The following ADAMTS3 variants were observed in gnomAD, a reference collection of about 807,000 sequenced individuals.
ADAMTS3 encodes A disintegrin and metalloproteinase with thrombospondin motifs 3.
ADAMTS3 carries 73 observed loss-of-function variants against 129.0 expected under a neutral mutation model. That is an observed-to-expected ratio of 0.57 (90% confidence interval 0.47 to 0.69). The LOEUF is 0.69. Among genes scored for constraint, ADAMTS3 ranks in the 30% least tolerant of loss-of-function variants. The pLI is 0.00. For synonymous variants in ADAMTS3, 477 were observed against 510.8 expected, an observed-to-expected ratio of 0.93 and a Z score of 0.89; for missense variants, 1,457 against 1,514.5, an observed-to-expected ratio of 0.96 and a Z score of 0.63.
intron 5 of ADAMTS3, among the ~76,000 whole-genome samples, chr4:72,337,246 G>A (rs1720014287): frequency 6.6e-6 from 1 of 152,214 alleles, no homozygotes; most frequent in Non-Finnish European, 1.5e-5. Flanking sequence ...AGAATAATTT[G>A]TATTTGAGAC....
In ADAMTS3 at chr4:72,548,742, C is replaced by T. The variant is rs1578785724; in HGVS notation, c.240G>A (p.Leu80=). ...TTCCAAATGCCGTGATGTTAAAGAACAACTGCTCAGGGTTGGAAGACACGT... is the reference window on the plus strand; with the variant it reads ...TTCCAAATGCCGTGATGTTAAAGAATAACTGCTCAGGGTTGGAAGACACGT... The part of the protein sequence containing the change: ...ARDVSSNPEQ[L]FFNITAFGKD... The change falls in exon 3 of 22, where the codon TTG becomes TTA. Residue 80 remains leucine, a synonymous_variant. Coordinates refer to ENST00000286657, the MANE Select transcript of ADAMTS3 (RefSeq NM_014243.3). The T allele has an allele frequency of 6.2e-7, 1 of 1,613,938 alleles. No individual in the cohort carries two copies. The highest frequency in any genetic ancestry group is 8.5e-7 in the Non-Finnish European group (1 of 1,179,904).
In ADAMTS3 at chr4:72,283,391, G is replaced by C. The variant is rs1718408931; in HGVS notation, c.3363C>G (p.Asn1121Lys). 1 of 1,613,794 alleles carries C rather than the reference G, an allele frequency of 6.2e-7. No homozygotes were observed. The highest frequency in any genetic ancestry group is 8.5e-7 in the Non-Finnish European group (1 of 1,179,744). The change falls in exon 22 of 22, where the codon AAC becomes AAG. Residue 1121 changes from asparagine to lysine, a missense_variant. Transcript: ENST00000286657. ...GTAAATTAGCACCATCAGGTTTACT[G>C]TTTGGCCTGAAAGCAGCATATGCAT... is the stretch of plus-strand genomic sequence containing the variant. ...GPNAYAAFRP[N>K]SKPDGANLRQ...
intron 4 of ADAMTS3, among the ~76,000 whole-genome samples, chr4:72,383,384 A>G (rs914660116): frequency 2.6e-5 from 4 of 152,192 alleles, no homozygotes; most frequent in Non-Finnish European, 4.4e-5. Flanking sequence ...TCTGAGGTTA[A>G]GTCTATATGA....
chr4:72,430,268 C>G (rs1387360151), intron 3 of ADAMTS3, among the ~76,000 whole-genome samples: 1 of 152,034 alleles, frequency 6.6e-6, no homozygotes, highest in African/African-American at 2.4e-5. Context: ...AGAAGTGTCA[C>G]TGCAGGACTT....
chr4:72,477,399 G>A (rs113393015), intron 3 of ADAMTS3, among the ~76,000 whole-genome samples: 7,075 of 151,966 alleles, frequency 0.047, 189 homozygotes, highest in African/African-American at 0.062. Context: ...ACTCAAAAGC[G>A]CTCAACTACA....
intron 3 of ADAMTS3, among the ~76,000 whole-genome samples, chr4:72,426,185 G>A (rs1560511376): frequency 2.6e-5 from 4 of 152,144 alleles, no homozygotes; most frequent in East Asian, 1.9e-4. Context: ...GGTGTTGTTT[G>A]TTTTTTTCTT....
chr4:72,365,738 G>A (rs532202211), intron 4 of ADAMTS3, among the ~76,000 whole-genome samples: 52 of 152,188 alleles, frequency 3.4e-4, no homozygotes, highest in South Asian at 6.2e-4. Flanking sequence ...AAATAAACAC[G>A]TCAAGAACTG....
intron 15 of ADAMTS3, among the ~76,000 whole-genome samples, chr4:72,306,388 T>G (rs1462663208): frequency 6.6e-6 from 1 of 151,980 alleles, no homozygotes; most frequent in South Asian, 2.1e-4. Flanking sequence ...TGTCCCTCTG[T>G]GTGATTCTAG....
At chr4:72,445,209 A>G (rs962092238) in intron 3 of ADAMTS3, among the ~76,000 whole-genome samples, 8 of 151,794 alleles carry the variant, frequency 5.3e-5, no homozygotes, top group African/African-American at 1.7e-4. Flanking sequence ...TCACAACTCA[A>G]TAAAGCTATT....
chr4:72,561,128 G>A (rs1721893076), intron 2 of ADAMTS3, among the ~76,000 whole-genome samples: 1 of 151,996 alleles, frequency 6.6e-6, no homozygotes, highest in African/African-American at 2.4e-5. Context: ...TGAGGCGGGT[G>A]GATCACAAGG....
chr4:72,484,952 G>A (rs1376455418), intron 3 of ADAMTS3, among the ~76,000 whole-genome samples: 1 of 152,108 alleles, frequency 6.6e-6, no homozygotes. Context: ...AAAGACCTGA[G>A]CATTTACATC....
At chr4:72,347,045 T>C (rs1254054720) in intron 4 of ADAMTS3, among the ~76,000 whole-genome samples, 1 of 152,094 alleles carries the variant, frequency 6.6e-6, no homozygotes, top group Admixed American at 6.6e-5. Flanking sequence ...AAAGTTCTCA[T>C]TATTAAGCTG....
chr4:72,523,627 G>A (rs1398586587), intron 3 of ADAMTS3, among the ~76,000 whole-genome samples: 3 of 151,856 alleles, frequency 2.0e-5, no homozygotes, highest in Non-Finnish European at 4.4e-5. Flanking sequence ...TTAAATAATT[G>A]TATGACTCAT....
At chr4:72,562,666 AT>A in intron 2 of ADAMTS3, among the ~76,000 whole-genome samples, 1 of 152,320 alleles carries the variant, frequency 6.6e-6, no homozygotes, top group East Asian at 1.9e-4. Context: ...AACTGGAATG[AT>A]TTTCAAAAAT....
chr4:72,385,583 T>C (rs1243433700), intron 4 of ADAMTS3, among the ~76,000 whole-genome samples: 1 of 152,066 alleles, frequency 6.6e-6, no homozygotes, highest in Admixed American at 6.6e-5. Flanking sequence ...GGCCAAACTA[T>C]ATGCTACAAT....
chr4:72,318,335 G>GTCTT (rs1485214486), intron 10 of ADAMTS3, among the ~76,000 whole-genome samples: 1 of 152,150 alleles, frequency 6.6e-6, no homozygotes, highest in Non-Finnish European at 1.5e-5. Context: ...TAATCTCTAA[G>GTCTT]TCTTGGCTTT....
chr4:72,539,265 T>C (rs909970702), intron 3 of ADAMTS3, among the ~76,000 whole-genome samples: 1 of 151,976 alleles, frequency 6.6e-6, no homozygotes, highest in Non-Finnish European at 1.5e-5. Flanking sequence ...ATATATCTGA[T>C]AAGAGATTAA....
At chr4:72,467,020 G>A (rs1287274742) in intron 3 of ADAMTS3, among the ~76,000 whole-genome samples, 1 of 151,988 alleles carries the variant, frequency 6.6e-6, no homozygotes, top group East Asian at 1.9e-4. Context: ...TGGCACATTG[G>A]AAGTAATCAA....
chr4:72,502,631 A>C (rs888845605), intron 3 of ADAMTS3, among the ~76,000 whole-genome samples: 5 of 151,970 alleles, frequency 3.3e-5, no homozygotes, highest in African/African-American at 1.2e-4. Context: ...GACTTAAGTG[A>C]TTCCTGCTAG....
Sources: allele counts gnomAD v4.1 joint callset (sites outside exome capture counted in the v4.1 genomes callset), GRCh38; gene constraint gnomAD v4.1.1; transcripts MANE v1.5; gene names NCBI Gene and HGNC (gene_info 2026-07-23, HGNC 2026-07-21).